VPS41: variants seen among roughly 807,000 people sequenced by gnomAD.
The protein encoded by VPS41 is vacuolar protein sorting-associated protein 41 homolog.
A neutral mutation model predicts 130.9 loss-of-function variants in VPS41; 85 were observed. The observed-to-expected ratio is 0.65, with a 90% CI of 0.55 to 0.78. The LOEUF is 0.78. Among genes scored for constraint, VPS41 ranks in the 30% least tolerant of loss-of-function variants. VPS41 has a pLI of 0.00. For missense variants in VPS41, 874 were observed against 1,018.7 expected (o/e 0.86, Z 1.93); for synonymous variants, 335 against 332.9 (o/e 1.01, Z -0.07).
At chr7:38,745,647 G>GGCGA (rs778161294) in intron 22 of VPS41, 34 bp from the exon 23 acceptor site, 1 of 1,522,884 alleles carries the variant, frequency 6.6e-7, no homozygotes, top group African/African-American at 1.4e-5. Context: ...TGTTACTATA[G>GGCGA]GCGACCAAAT....
chr7:38,754,344 G>A (rs563672532), intron 21 of VPS41, among the ~76,000 whole-genome samples: 6 of 152,178 alleles, frequency 3.9e-5, no homozygotes, highest in African/African-American at 1.4e-4. Context: ...AACTACAGAG[G>A]GAGAGTGCTT....
At chr7:38,831,030 C>T (rs767306125) in intron 4 of VPS41, among the ~76,000 whole-genome samples, 4 of 152,190 alleles carry the variant, frequency 2.6e-5, no homozygotes, top group Non-Finnish European at 5.9e-5. Context: ...TGGGAAAGCA[C>T]CTAGGCCAGC....
At chr7:38,798,225 C>G (rs1476430921) in intron 7 of VPS41, among the ~76,000 whole-genome samples, 1 of 152,190 alleles carries the variant, frequency 6.6e-6, no homozygotes, top group African/African-American at 2.4e-5. Flanking sequence ...GGGAGAAAGG[C>G]TGAGCATACA....
chr7:38,885,842 A>AT (rs1786716449), intron 2 of VPS41, among the ~76,000 whole-genome samples: 2 of 152,126 alleles, frequency 1.3e-5, no homozygotes, highest in Non-Finnish European at 2.9e-5. Context: ...AATAAATAGA[A>AT]TTTTTTTAAA....
intron 21 of VPS41, among the ~76,000 whole-genome samples, chr7:38,753,049 C>T (rs1296067196): frequency 2.0e-5 from 3 of 152,168 alleles, no homozygotes; most frequent in African/African-American, 4.8e-5. Context: ...TCACTTTCTC[C>T]TCACAGGCAA....
At chr7:38,889,539 AAAAAC>A (rs760976887) in intron 2 of VPS41, among the ~76,000 whole-genome samples, 27 of 144,970 alleles carry the variant, frequency 1.9e-4, no homozygotes, top group Admixed American at 3.5e-4. Context: ...ATCTGGTTAA[AAAAAC>A]AAAACAAAAC....
intron 17 of VPS41, among the ~76,000 whole-genome samples, chr7:38,759,698 T>C (rs760497511): frequency 2.0e-4 from 31 of 152,166 alleles, no homozygotes; most frequent in African/African-American, 4.8e-4. Flanking sequence ...AGGTTGGACT[T>C]GCCCCATCCC....
At chr7:38,897,101 G>A (rs751721368) in intron 2 of VPS41, among the ~76,000 whole-genome samples, 3 of 150,116 alleles carry the variant, frequency 2.0e-5, no homozygotes, top group Non-Finnish European at 4.4e-5. Context: ...GGCTGAGGCT[G>A]GAGAATCACT....
At chr7:38,885,715 A>C (rs1786712033) in intron 2 of VPS41, among the ~76,000 whole-genome samples, 1 of 152,210 alleles carries the variant, frequency 6.6e-6, no homozygotes, top group Non-Finnish European at 1.5e-5. Context: ...CTTGCATTAA[A>C]ATGTTTATCG....
rs139211560 is a variant in VPS41, at chr7:38,853,148, G to A, written c.246+9397C>T. ...TCATAAGAAGAATGTGGCCGGGTGC[G>A]GTGGCTCACGCCTGTAATCCCAGCA... On this transcript the variant is annotated intron_variant, in intron 4 of 28. Coordinates refer to ENST00000310301, the MANE Select transcript of VPS41 (RefSeq NM_014396.4). Among the ~76,000 whole-genome samples the A allele has an allele frequency of 2.5e-4, 38 of 152,182 alleles. 1 individual carries two copies. In the East Asian group the frequency reaches 7.2e-3, roughly 29 times the overall value.
rs1795480223 is a variant in VPS41, at chr7:38,723,675, G to T, written c.*2571C>A. The T allele has an allele frequency of 8.4e-6, 1 of 118,708 alleles. No individual in the cohort carries two copies. The highest frequency in any genetic ancestry group is 1.6e-5 in the Non-Finnish European group (1 of 62,236). 7.4% of individuals were successfully genotyped at this position (118,708 alleles called of 1,614,324 possible). ...GGAGGCGGAGGTTGCAGTGAGCCAAGATCATGTCACTGCACTCCAGCCAAG... is the reference window on the plus strand; with the variant it reads ...GGAGGCGGAGGTTGCAGTGAGCCAATATCATGTCACTGCACTCCAGCCAAG... On this transcript the variant is annotated 3_prime_UTR_variant, in exon 29 of 29. Transcript: ENST00000310301.
At chr7:38,730,713 T>C (rs1043190084) in intron 25 of VPS41, among the ~76,000 whole-genome samples, 3 of 152,008 alleles carry the variant, frequency 2.0e-5, no homozygotes, top group East Asian at 3.8e-4. Context: ...AAAGCAAACA[T>C]ATAAAGCTGC....
intron 15 of VPS41, among the ~76,000 whole-genome samples, chr7:38,767,045 C>T (rs1784059577): frequency 6.6e-6 from 1 of 152,206 alleles, no homozygotes; most frequent in Admixed American, 6.5e-5. Flanking sequence ...GCAGGATCTC[C>T]ATGCCCACCC....
At chr7:38,820,324 T>C (rs923052872) in intron 6 of VPS41, among the ~76,000 whole-genome samples, 58 of 152,166 alleles carry the variant, frequency 3.8e-4, no homozygotes, top group Non-Finnish European at 5.9e-5. Flanking sequence ...CTCTGGCAAA[T>C]TCAACTTTTT....
intron 10 of VPS41, among the ~76,000 whole-genome samples, chr7:38,778,307 G>A (rs1237087050): frequency 6.6e-6 from 1 of 152,160 alleles, no homozygotes; most frequent in African/African-American, 2.4e-5. Context: ...AGCTTATATG[G>A]AGAACCACCT....
intron 22 of VPS41, among the ~76,000 whole-genome samples, chr7:38,750,369 G>C (rs559859726): frequency 2.5e-4 from 38 of 152,248 alleles, no homozygotes; most frequent in Admixed American, 7.8e-4. Context: ...AACCCATTTA[G>C]GGAGTCCTAA....
rs781775320 is a variant in VPS41 at position 38,765,612 on chromosome 7, C to T, written c.1297G>A (p.Val433Ile). ...TGTCCAATTTCTTTAAATTTATAAA[C>T]TTCATATTCCCAGAGTGCTGCATTT... ...GKNAALWEYE[V>I]YKFKEIGQLK... The change falls in exon 16 of 29, where the codon GTT becomes ATT. Residue 433 changes from valine (V) to isoleucine (I), a missense_variant. Val to Ile is a conservative substitution (Grantham distance 29). Coordinates refer to ENST00000310301, the MANE Select transcript of VPS41 (RefSeq NM_014396.4). The T allele has an allele frequency of 6.9e-6, 11 of 1,600,490 alleles. No homozygotes were observed. In the Admixed American group the frequency reaches 1.8e-4, roughly 26 times the overall value.
intron 7 of VPS41, chr7:38,797,153 T>C (rs1018579383): frequency 4.2e-6 from 1 of 235,708 alleles, no homozygotes; most frequent in African/African-American, 2.2e-5. Context: ...GCACATTAGT[T>C]AATCAAAAGA....
intron 24 of VPS41, among the ~76,000 whole-genome samples, chr7:38,743,118 C>CA (rs1795916698): frequency 6.6e-6 from 1 of 152,030 alleles, no homozygotes; most frequent in African/African-American, 2.4e-5. Context: ...GACATTTATT[C>CA]AATTTGCTTG....
Sources: allele counts gnomAD v4.1 joint callset (sites outside exome capture counted in the v4.1 genomes callset), GRCh38; gene constraint gnomAD v4.1.1; transcripts MANE v1.5; gene names NCBI Gene and HGNC (gene_info 2026-07-23, HGNC 2026-07-21).